HLCS: variants seen among roughly 807,000 people sequenced by gnomAD.
The protein encoded by HLCS is holocarboxylase synthetase, also known as biotin--protein ligase.
Under a neutral mutation model 75.0 loss-of-function variants are expected in HLCS, and 53 were observed. That is an observed-to-expected ratio of 0.71 (90% CI 0.57 to 0.89). The LOEUF is 0.89. Ranked by LOEUF, HLCS falls within the 40% of genes least tolerant of loss-of-function variation. The pLI, the probability that HLCS is intolerant of heterozygous loss-of-function variation, is 0.00. For synonymous variants in HLCS, 431 were observed against 428.6 expected (o/e 1.01, Z -0.07); for missense variants, 966 against 1,074.0 (o/e 0.90, Z 1.41).
At chr21:36,810,401 A>T (rs1433581216) in intron 6 of HLCS, among the ~76,000 whole-genome samples, 1 of 152,118 alleles carries the variant, frequency 6.6e-6, no homozygotes, top group Non-Finnish European at 1.5e-5. Flanking sequence ...GATGTATATA[A>T]ACAGAATTTG....
At chr21:36,977,342 T>C (rs1569271576) in intron 1 of HLCS, among the ~76,000 whole-genome samples, 2 of 152,080 alleles carry the variant, frequency 1.3e-5, no homozygotes, top group Non-Finnish European at 2.9e-5. Context: ...GGTAAGCACA[T>C]GGGGCCACTG....
chr21:36,797,510 T>C (rs1202938309), intron 6 of HLCS, among the ~76,000 whole-genome samples: 1 of 152,218 alleles, frequency 6.6e-6, no homozygotes. Context: ...GGGCTGTGCA[T>C]CACTTGGGAA....
chr21:36,972,136 T>C (rs904823342), intron 1 of HLCS: 1 of 152,082 alleles, frequency 6.6e-6, no homozygotes, highest in Admixed American at 6.6e-5. Context: ...TGGATCAGCC[T>C]AAAAACAGGA....
chr21:36,844,317 G>C (rs2062721099), intron 6 of HLCS, among the ~76,000 whole-genome samples: 1 of 152,016 alleles, frequency 6.6e-6, no homozygotes, highest in Admixed American at 6.6e-5. Flanking sequence ...CCACACTAAT[G>C]AAAGATGTTA....
At chr21:36,942,791 C>A (rs2067209022) in intron 2 of HLCS, among the ~76,000 whole-genome samples, 1 of 151,810 alleles carries the variant, frequency 6.6e-6, no homozygotes, top group Non-Finnish European at 1.5e-5. Flanking sequence ...ATGTAAGGCA[C>A]CCGGCAAAGG....
At position 36,937,126 on chromosome 21, in the gene HLCS, G is replaced by A. The variant is rs1206078643; in HGVS notation, c.760C>T (p.His254Tyr). The part of the protein sequence containing the change: ...EHYHLHLSSC[H>Y]ECLELENSTI... ...CTGTTCTCAAGTTCCAGACACTCGT[G>A]GCAACTAGACAGATGGAGGTGATAA... is the stretch of plus-strand genomic sequence containing the variant. Residue 254 changes from histidine to tyrosine, a missense_variant, in exon 4 of 11, where the codon CAC (histidine) becomes TAC (tyrosine). Coordinates refer to ENST00000674895, the MANE Select transcript of HLCS (RefSeq NM_001352514.2). 4 of 1,614,152 alleles carry A rather than the reference G, an allele frequency of 2.5e-6. No homozygotes were observed. The highest frequency in any genetic ancestry group is 3.4e-6 in the Non-Finnish European group (4 of 1,180,032).
chr21:36,973,209 G>A (rs1309669210), intron 1 of HLCS, among the ~76,000 whole-genome samples: 5 of 148,092 alleles, frequency 3.4e-5, no homozygotes, highest in Non-Finnish European at 7.4e-5. Flanking sequence ...CAGCCTCAGC[G>A]ACAGAGAAAG....
intron 5 of HLCS, among the ~76,000 whole-genome samples, chr21:36,924,404 AC>A (rs1310634348): frequency 6.6e-6 from 1 of 152,146 alleles, no homozygotes; most frequent in Non-Finnish European, 1.5e-5. Context: ...TACTAAAAAT[AC>A]AAAAATTAGC....
At chr21:36,840,537 C>A (rs553329723) in intron 6 of HLCS, among the ~76,000 whole-genome samples, 1 of 152,066 alleles carries the variant, frequency 6.6e-6, no homozygotes, top group Non-Finnish European at 1.5e-5. Context: ...AGTGACATAT[C>A]GTCATTATAA....
At chr21:36,939,050 C>T (rs2067022760) in intron 2 of HLCS, 56 bp from the exon 3 acceptor site, 1 of 1,502,316 alleles carries the variant, frequency 6.7e-7, no homozygotes, top group African/African-American at 1.4e-5. Flanking sequence ...GATTTTTCTT[C>T]TCTAAAATAA....
chr21:36,815,411 A>G (rs2061634028), intron 6 of HLCS, among the ~76,000 whole-genome samples: 1 of 152,206 alleles, frequency 6.6e-6, no homozygotes. Flanking sequence ...CACTGTGAGA[A>G]ATAACCACTA....
intron 8 of HLCS, among the ~76,000 whole-genome samples, chr21:36,760,948 T>C (rs1383225246): frequency 3.3e-5 from 5 of 152,186 alleles, no homozygotes; most frequent in Non-Finnish European, 2.9e-5. Flanking sequence ...GGCTGTGCCA[T>C]GTGTGGGTAA....
chr21:36,829,956 T>G (rs2062142640), intron 6 of HLCS, among the ~76,000 whole-genome samples: 1 of 152,212 alleles, frequency 6.6e-6, no homozygotes, highest in Admixed American at 6.5e-5. Flanking sequence ...AATTCAGATA[T>G]TGAAGTCCTC....
rs1243787157 is a variant in HLCS, at chr21:36,862,990, C to T, written c.1892+33870G>A. ...AGCGACGGGGTCTCATTATGTTGCT[C>T]AGGCCTCAAGCGATCCTCCCACTTC... On this transcript the variant is annotated intron_variant, in intron 6 of 10. Transcript: ENST00000674895. Among the ~76,000 whole-genome samples, 4 of 148,168 alleles carry T rather than the reference C, an allele frequency of 2.7e-5. No homozygotes were observed. In the South Asian group the frequency reaches 6.3e-4, roughly 23 times the overall value.
rs577233427 is a variant in HLCS at position 36,820,368 on chromosome 21, C to T, written c.1893-53083G>A. 6.8e-5 allele frequency among the ~76,000 whole-genome samples: 10 copies of T among 146,848 alleles called. No individual in the cohort carries two copies. In the South Asian group the frequency reaches 8.5e-4, roughly 12 times the overall value. ...AGGCGCAGCTGCTGCTGCCCAGCCA[C>T]GGCCGGGCCGCCGACTGGGATTCCT... is the stretch of plus-strand genomic sequence containing the variant. On this transcript the variant is annotated intron_variant, in intron 6 of 10. Transcript: ENST00000674895.
intron 8 of HLCS, 148 bp downstream of exon 8, chr21:36,764,863 GA>G: frequency 1.2e-6 from 1 of 829,152 alleles, no homozygotes; most frequent in Non-Finnish European, 2.0e-6. Flanking sequence ...GTGGTGCTCT[GA>G]AAACTCCGAG....
chr21:36,774,184 C>T (rs1023118097), intron 6 of HLCS, among the ~76,000 whole-genome samples: 5 of 152,138 alleles, frequency 3.3e-5, no homozygotes, highest in Non-Finnish European at 7.3e-5. Flanking sequence ...TCTGAACTGG[C>T]GGCAGGGTCC....
At chr21:36,811,245 C>T (rs1458489885) in intron 6 of HLCS, among the ~76,000 whole-genome samples, 1 of 152,210 alleles carries the variant, frequency 6.6e-6, no homozygotes, top group Non-Finnish European at 1.5e-5. Context: ...CCAGAAACAG[C>T]ACACTTTCAC....
chr21:36,884,895 G>A (rs1206125166), intron 6 of HLCS, among the ~76,000 whole-genome samples: 1 of 152,154 alleles, frequency 6.6e-6, no homozygotes, highest in Non-Finnish European at 1.5e-5. Flanking sequence ...GAAGGTGTGG[G>A]TGATGCACAA....
Sources: allele counts gnomAD v4.1 joint callset (sites outside exome capture counted in the v4.1 genomes callset), GRCh38; gene constraint gnomAD v4.1.1; transcripts MANE v1.5; gene names NCBI Gene and HGNC (gene_info 2026-07-23, HGNC 2026-07-21).